PLGRKT: variants seen among roughly 807,000 people sequenced by gnomAD.
PLGRKT encodes the protein plasminogen receptor with a C-terminal lysine.
Under a neutral mutation model 18.5 loss-of-function variants are expected in PLGRKT, and 22 were observed. That is an observed-to-expected ratio of 1.19 (90% confidence interval 0.85 to 1.70). The LOEUF (loss-of-function observed/expected upper bound fraction) is 1.70. Among genes scored for constraint, PLGRKT ranks in the 40% most tolerant of loss-of-function variants. The pLI, the probability that PLGRKT is intolerant of heterozygous loss-of-function variation, is 0.00. For synonymous variants in PLGRKT, 72 were observed against 52.8 expected (o/e 1.36, Z -1.58); for missense variants, 235 against 174.4 (o/e 1.35, Z -1.96).
At chr9:5,422,579 G>C (rs57650356) in intron 3 of PLGRKT, among the ~76,000 whole-genome samples, 9,337 of 152,196 alleles carry the variant, frequency 0.061, 796 homozygotes, top group African/African-American at 0.19. Flanking sequence ...ACTATAGTAG[G>C]AAAACTTTGC....
chr9:5,368,964 G>C (rs1817456461), intron 3 of PLGRKT, among the ~76,000 whole-genome samples: 2 of 152,090 alleles, frequency 1.3e-5, no homozygotes, highest in Admixed American at 6.6e-5. Context: ...ACTCAAGATG[G>C]ATTAAAGAGT....
At chr9:5,434,718 T>C (rs1158407755) in intron 2 of PLGRKT, among the ~76,000 whole-genome samples, 1 of 149,450 alleles carries the variant, frequency 6.7e-6, no homozygotes, top group Non-Finnish European at 1.5e-5. Context: ...GGCCGCTCCG[T>C]CTGGGAAGTG....
chr9:5,384,225 A>C (rs1817799743), intron 3 of PLGRKT, among the ~76,000 whole-genome samples: 1 of 152,246 alleles, frequency 6.6e-6, no homozygotes, highest in South Asian at 2.1e-4. Context: ...TCTACCCTGA[A>C]GAGTGGCAAG....
intron 2 of PLGRKT, among the ~76,000 whole-genome samples, chr9:5,435,867 A>G (rs1563795295): frequency 6.6e-6 from 1 of 152,242 alleles, no homozygotes; most frequent in African/African-American, 2.4e-5. Flanking sequence ...TTCTGTGGGA[A>G]GCCCAGCTAA....
At chr9:5,364,991 A>T (rs1018259153) in intron 3 of PLGRKT, among the ~76,000 whole-genome samples, 1 of 152,216 alleles carries the variant, frequency 6.6e-6, no homozygotes, top group Non-Finnish European at 1.5e-5. Context: ...TTAGGCATTC[A>T]TGGCTTAGTG....
chr9:5,422,506 C>T (rs554858504), intron 3 of PLGRKT, among the ~76,000 whole-genome samples: 45 of 152,188 alleles, frequency 3.0e-4, no homozygotes, highest in Admixed American at 2.2e-3. Context: ...ATAAATAGTA[C>T]GACAAGTAGA....
intron 3 of PLGRKT, among the ~76,000 whole-genome samples, chr9:5,409,944 A>G (rs1034532): frequency 0.1 from 15,730 of 152,194 alleles, 1,269 homozygotes; most frequent in African/African-American, 0.21. Flanking sequence ...TCAAATTCTT[A>G]TCTAAGAACA....
intron 3 of PLGRKT, among the ~76,000 whole-genome samples, chr9:5,367,899 C>T (rs1041602947): frequency 3.3e-5 from 5 of 151,834 alleles, no homozygotes; most frequent in Admixed American, 6.6e-5. Flanking sequence ...TAAGCAAAAA[C>T]CAAATAATCC....
intron 3 of PLGRKT, among the ~76,000 whole-genome samples, chr9:5,424,669 T>TATATATATATATATATATAC (rs1818656180): frequency 2.3e-5 from 1 of 43,748 alleles, no homozygotes; most frequent in African/African-American, 8.0e-5. Context: ...TTATATATTT[T>TATATATATATATATATATAC]ATATATATAT....
rs528003787 is a variant in PLGRKT at position 5,400,581 on chromosome 9, T to C, written c.81+31316A>G. Among the ~76,000 whole-genome samples, 53 of 152,076 alleles carry C rather than the reference T, an allele frequency of 3.5e-4. No individual in the cohort carries two copies. The East Asian group carries it at 9.4e-3, about 27-fold the overall frequency. ...TCAAAGATAACACAAAATTTGTGTT[T>C]ACTGAACATCATCCAAATATTTCTT... On this transcript the variant is annotated intron_variant, in intron 3 of 5. Transcript: ENST00000223864.
At chr9:5,426,296 T>C (rs113110520) in intron 3 of PLGRKT, among the ~76,000 whole-genome samples, 327 of 152,284 alleles carry the variant, frequency 2.1e-3, no homozygotes, top group African/African-American at 7.5e-3. Flanking sequence ...CTCCATAACT[T>C]ACATTTGATA....
intron 3 of PLGRKT, among the ~76,000 whole-genome samples, chr9:5,394,611 C>A (rs889577789): frequency 5.9e-5 from 9 of 151,740 alleles, no homozygotes; most frequent in African/African-American, 2.2e-4. Context: ...CAGAGTCTCA[C>A]CATGTTGGTC....
intron 3 of PLGRKT, among the ~76,000 whole-genome samples, chr9:5,407,811 G>C (rs982916565): frequency 1.3e-5 from 2 of 152,206 alleles, no homozygotes; most frequent in African/African-American, 2.4e-5. Flanking sequence ...AGTAACATTT[G>C]ACCTTAAAAC....
chr9:5,423,569 G>T (rs1818617625), intron 3 of PLGRKT, among the ~76,000 whole-genome samples: 2 of 151,976 alleles, frequency 1.3e-5, no homozygotes, highest in East Asian at 3.8e-4. Flanking sequence ...AAAGGCCTTT[G>T]ACTTCTCTGC....
chr9:5,372,796 T>C lies in PLGRKT; in HGVS notation c.82-10908A>G, dbSNP rs150881532. On this transcript the variant is annotated intron_variant, in intron 3 of 5. Coordinates refer to ENST00000223864, the MANE Select transcript of PLGRKT (RefSeq NM_018465.4). ...GAGTCTGGAAATGTTCTCTGTGGCTTTCTAGCCTCTGTTGTATAGGCAGGC... is the reference window on the plus strand; with the variant it reads ...GAGTCTGGAAATGTTCTCTGTGGCTCTCTAGCCTCTGTTGTATAGGCAGGC... Among the ~76,000 whole-genome samples, 1,049 of 152,324 alleles carry C rather than the reference T, an allele frequency of 6.9e-3. 16 individuals carry two copies. Among genetic ancestry groups the C allele is most frequent in the African/African-American group, 0.024 (1,017 of 41,574 alleles).
intron 3 of PLGRKT, among the ~76,000 whole-genome samples, chr9:5,366,152 G>C (rs1178008463): frequency 6.6e-6 from 1 of 152,006 alleles, no homozygotes; most frequent in Non-Finnish European, 1.5e-5. Flanking sequence ...TAATAAACTT[G>C]ACTGTCAAAT....
chr9:5,367,779 C>G (rs933596605), intron 3 of PLGRKT, among the ~76,000 whole-genome samples: 8 of 151,952 alleles, frequency 5.3e-5, no homozygotes, highest in Admixed American at 6.6e-5. Context: ...CCAACAACAA[C>G]AAAACTATCA....
chr9:5,375,552 A>C (rs987060310), intron 3 of PLGRKT, among the ~76,000 whole-genome samples: 8 of 152,220 alleles, frequency 5.3e-5, no homozygotes, highest in African/African-American at 1.9e-4. Flanking sequence ...TTAGAGAGGC[A>C]AAGATGTTTT....
In PLGRKT at chr9:5,418,227, C is replaced by T. The variant is rs780883558; in HGVS notation, c.81+13670G>A. On this transcript the variant is annotated intron_variant, in intron 3 of 5. Transcript: ENST00000223864. The surrounding 1 kb of genome is among the most constrained non-coding windows in gnomAD (Gnocchi z 4.2). Reference sequence around the variant, plus strand: ...CCTTCTGCCCTTCATGTCTGTCTTGCGGTAAATCAAGAGGCAAACCAGAGG... The same window carrying T: ...CCTTCTGCCCTTCATGTCTGTCTTGTGGTAAATCAAGAGGCAAACCAGAGG... 15 of 328,572 alleles carry T rather than the reference C, an allele frequency of 4.6e-5. No homozygotes were observed. Among genetic ancestry groups the T allele is most frequent in the South Asian group, 1.3e-4 (3 of 23,826 alleles). 20.4% of individuals were successfully genotyped at this position (328,572 alleles called of 1,614,324 possible).
Sources: gnomAD v4.1 joint callset for allele counts (sites outside exome capture counted in the v4.1 genomes callset) on GRCh38, gnomAD v4.1.1 for gene constraint, Gnocchi (gnomAD v3.1) non-coding constraint, MANE v1.5 for transcripts, NCBI Gene and HGNC (gene_info 2026-07-23, HGNC 2026-07-21) for gene names.